FNDC3B: variants seen among roughly 807,000 people sequenced by gnomAD.
The protein encoded by FNDC3B is fibronectin type III domain containing 3B, also known as fibronectin type III domain-containing protein 3B.
In FNDC3B, 12 loss-of-function variants were observed where a neutral mutation model predicts 151.5. The ratio of observed to expected loss-of-function variants is 0.08; its 90% CI spans 0.05 to 0.13. FNDC3B has a LOEUF of 0.13. Ranked by LOEUF, FNDC3B falls within the 10% of genes least tolerant of loss-of-function variation. The pLI is 1.00. For synonymous variants in FNDC3B, 528 were observed against 549.0 expected, an observed-to-expected ratio of 0.96 and a Z score of 0.54; for missense variants, 1,214 against 1,505.3, an observed-to-expected ratio of 0.81 and a Z score of 3.20.
chr3:172,313,681 T>G (rs1367067619), intron 11 of FNDC3B, among the ~76,000 whole-genome samples: 1 of 152,214 alleles, frequency 6.6e-6, no homozygotes, highest in African/African-American at 2.4e-5. Context: ...TAAAACACGT[T>G]GCCATATGCT....
chr3:172,260,643 G>A (rs191094488), intron 6 of FNDC3B, among the ~76,000 whole-genome samples: 26 of 152,262 alleles, frequency 1.7e-4, no homozygotes, highest in African/African-American at 4.6e-4. Context: ...TGGGCAAGGC[G>A]TCCTGCAGGC....
intron 22 of FNDC3B, among the ~76,000 whole-genome samples, chr3:172,354,774 C>T (rs2108328536): frequency 6.6e-6 from 1 of 151,688 alleles, no homozygotes; most frequent in Admixed American, 6.6e-5. Flanking sequence ...TATAAATGAA[C>T]AGATCATGAT....
At chr3:172,375,492 C>G (rs1352011311) in intron 23 of FNDC3B, among the ~76,000 whole-genome samples, 1 of 152,212 alleles carries the variant, frequency 6.6e-6, no homozygotes, top group Non-Finnish European at 1.5e-5. Context: ...GTCTCCTTCC[C>G]TCCTGAAGGC....
intron 3 of FNDC3B, among the ~76,000 whole-genome samples, chr3:172,141,243 A>G (rs1009875143): frequency 6.6e-6 from 1 of 152,168 alleles, no homozygotes; most frequent in African/African-American, 2.4e-5. Flanking sequence ...TTGCTTATTT[A>G]TGATAGACTT....
intron 25 of FNDC3B, among the ~76,000 whole-genome samples, chr3:172,383,523 C>T (rs1735558773): frequency 6.6e-6 from 1 of 152,162 alleles, no homozygotes; most frequent in African/African-American, 2.4e-5. Context: ...GATTCAGAAG[C>T]TCTAAGTCAT....
chr3:172,168,453 G>T (rs1689078021), intron 3 of FNDC3B, among the ~76,000 whole-genome samples: 1 of 152,232 alleles, frequency 6.6e-6, no homozygotes, highest in Admixed American at 6.5e-5. Flanking sequence ...GTACTGAGCT[G>T]ACATGTCAGT....
At chr3:172,373,374 G>A (rs923743227) in intron 23 of FNDC3B, among the ~76,000 whole-genome samples, 4 of 152,192 alleles carry the variant, frequency 2.6e-5, no homozygotes, top group African/African-American at 9.7e-5. Context: ...CCTAGGGCCT[G>A]TGGTGCATAA....
intron 22 of FNDC3B, among the ~76,000 whole-genome samples, chr3:172,354,103 T>C (rs1001714028): frequency 6.6e-6 from 1 of 152,134 alleles, no homozygotes; most frequent in African/African-American, 2.4e-5. Flanking sequence ...AAATAATGAA[T>C]AGGCTACCAA....
At position 172,307,479 on chromosome 3, in the gene FNDC3B, G is replaced by C. The variant is rs767890762; in HGVS notation, c.1178G>C (p.Ser393Thr). ...FPPKLAHRSK[S>T]SLTLQWKAPI... The stretch of plus-strand genomic sequence containing the variant: ...CCTAAGCTGGCACATAGGAGCAAAA[G>C]TTCACTAACCCTGCAGTGGAAGGTG... Residue 393 changes from serine (S) to threonine (T), a missense_variant, in exon 10 of 26, where the codon AGT (serine) becomes ACT (threonine). Ser to Thr is a moderately conservative substitution (Grantham distance 58). Transcript: ENST00000415807. The C allele has an allele frequency of 6.2e-7, 1 of 1,613,960 alleles. No individual in the cohort carries two copies. The highest frequency in any genetic ancestry group is 8.5e-7 in the Non-Finnish European group (1 of 1,180,008).
At chr3:172,316,547 G>A (rs1731797234) in intron 11 of FNDC3B, 1 of 387,510 alleles carries the variant, frequency 2.6e-6, no homozygotes, top group Non-Finnish European at 5.1e-6. Context: ...AATTTTAATG[G>A]GCAAATAAGA....
At chr3:172,196,594 A>G (rs561977862) in intron 3 of FNDC3B, among the ~76,000 whole-genome samples, 36 of 152,088 alleles carry the variant, frequency 2.4e-4, no homozygotes, top group South Asian at 1.0e-3. Flanking sequence ...TGTAAAATGG[A>G]GGTGGGAATT....
Position 172,119,504 on chromosome 3 carries a change from G to C in FNDC3B, c.111+6914G>C, listed in dbSNP as rs76497876. Among the ~76,000 whole-genome samples, 475 of 152,286 alleles carry C rather than the reference G, an allele frequency of 3.1e-3. 2 individuals carry two copies. Among genetic ancestry groups the C allele is most frequent in the African/African-American group, 0.011 (448 of 41,558 alleles). ...AATTGAGGATTGGGATAAGTGGGCA[G>C]GAAAACAGACCAGGCTAGGAAAAGT... On this transcript the variant is annotated intron_variant, in intron 2 of 25. Transcript: ENST00000415807.
Position 172,138,907 on chromosome 3 carries a change from G to A in FNDC3B, c.187+5361G>A, listed in dbSNP as rs117446444. ...GCTATTCGAATGTGAAACTTTTTCC[G>A]CTCTTGCTTGTTCTCCATAAGACTT... On this transcript the variant is annotated intron_variant, in intron 3 of 25. Coordinates refer to ENST00000415807, the MANE Select transcript of FNDC3B (RefSeq NM_022763.4). Among the ~76,000 whole-genome samples the A allele has an allele frequency of 1.5e-3, 225 of 152,276 alleles. 1 individual carries two copies. Among genetic ancestry groups the A allele is most frequent in the African/African-American group, 4.8e-3 (198 of 41,560 alleles).
chr3:172,093,405 C>G (rs1012522147), intron 1 of FNDC3B, among the ~76,000 whole-genome samples: 1 of 151,870 alleles, frequency 6.6e-6, no homozygotes, highest in East Asian at 1.9e-4. Context: ...ACTACAGGCG[C>G]CCGCCACCGC....
At chr3:172,283,014 T>C (rs1323488373) in intron 6 of FNDC3B, among the ~76,000 whole-genome samples, 2 of 152,238 alleles carry the variant, frequency 1.3e-5, no homozygotes, top group East Asian at 3.8e-4. Context: ...GAGCAGAGAA[T>C]GTCCATCATG....
intron 6 of FNDC3B, among the ~76,000 whole-genome samples, chr3:172,273,024 C>T (rs1729275044): frequency 6.6e-6 from 1 of 152,198 alleles, no homozygotes; most frequent in Non-Finnish European, 1.5e-5. Context: ...TGGACTGTAA[C>T]TCTGGGCAAG....
intron 3 of FNDC3B, among the ~76,000 whole-genome samples, chr3:172,172,754 G>A (rs929749893): frequency 1.4e-4 from 22 of 152,058 alleles, no homozygotes; most frequent in Admixed American, 9.8e-4. Flanking sequence ...CATTTATATC[G>A]CTCAGGTCAT....
chr3:172,102,726 C>T (rs181984597), intron 1 of FNDC3B, among the ~76,000 whole-genome samples: 7 of 152,236 alleles, frequency 4.6e-5, no homozygotes, highest in Non-Finnish European at 8.8e-5. Flanking sequence ...GAGCTTCTGG[C>T]GCTGGGGAGG....
intron 15 of FNDC3B, 25 bp downstream of exon 15, chr3:172,335,107 G>GTT (rs57479698): frequency 0.016 from 20,698 of 1,278,780 alleles, no homozygotes; most frequent in South Asian, 0.032. Context: ...TGCTGCTACT[G>GTT]TTTTTTTTTT....
Sources: allele counts gnomAD v4.1 joint callset (sites outside exome capture counted in the v4.1 genomes callset), GRCh38; gene constraint gnomAD v4.1.1; transcripts MANE v1.5; gene names NCBI Gene and HGNC (gene_info 2026-07-23, HGNC 2026-07-21).